ATP5F1A: variants seen among roughly 807,000 people sequenced by gnomAD.
ATP5F1A encodes the protein ATP synthase F(1) complex subunit alpha, mitochondrial.
A neutral mutation model predicts 57.4 loss-of-function variants in ATP5F1A; 24 were observed. That is an observed-to-expected ratio of 0.42 (90% CI 0.30 to 0.59). The LOEUF (loss-of-function observed/expected upper bound fraction) is 0.59. ATP5F1A is among the 20% of genes least tolerant of loss of function. The pLI, the probability that ATP5F1A is intolerant of heterozygous loss-of-function variation, is 0.19. For missense variants in ATP5F1A, 494 were observed against 707.9 expected, an observed-to-expected ratio of 0.70 and a Z score of 3.43; for synonymous variants, 251 against 255.5, an observed-to-expected ratio of 0.98 and a Z score of 0.17.
chr18:46,094,941 C>A (rs773544077), intron 2 of ATP5F1A, 112 bp downstream of exon 2: 2 of 1,370,742 alleles, frequency 1.5e-6, no homozygotes, highest in East Asian at 5.1e-5. Flanking sequence ...AGAGTCTATA[C>A]AAACTAGAGA....
In ATP5F1A at chr18:46,081,653, A is replaced by G. The variant is rs768204647; in HGVS notation, c.*2629T>C. On this transcript the variant is annotated 3_prime_UTR_variant, in exon 12 of 12. Transcript: ENST00000398752. Reference sequence around the variant, plus strand: ...CACTCCAGCCTGGGCAACAAGAGCAAAACTCTCAAAAAAAAAAAACAAAAA... The same window carrying G: ...CACTCCAGCCTGGGCAACAAGAGCAGAACTCTCAAAAAAAAAAAACAAAAA... The G allele has an allele frequency of 1.4e-5, 2 of 144,590 alleles. No individual in the cohort carries two copies. The highest frequency in any genetic ancestry group is 2.0e-4 in the East Asian group (1 of 4,906). 9.0% of individuals were successfully genotyped at this position (144,590 alleles called of 1,614,324 possible). A position where few individuals can be genotyped will look rare whatever the true frequency, so the allele number is the denominator to read the frequency against.
chr18:46,094,164 TACACACAC>T (rs71938962), intron 2 of ATP5F1A, among the ~76,000 whole-genome samples: 16 of 149,040 alleles, frequency 1.1e-4, no homozygotes, highest in Non-Finnish European at 1.3e-4. Context: ...TGTGTACACA[TACACACAC>T]ACACACACAC....
At chr18:46,100,493 C>T (rs1034771078), upstream of ATP5F1A, among the ~76,000 whole-genome samples, 1 of 151,886 alleles carries the variant, frequency 6.6e-6, no homozygotes, top group South Asian at 2.1e-4. Flanking sequence ...GCCTGTAATC[C>T]CAACACGTTG....
intron 2 of ATP5F1A, chr18:46,094,665 CA>C (rs1228300277): frequency 3.3e-5 from 5 of 151,208 alleles, no homozygotes; most frequent in Non-Finnish European, 5.8e-5. Context: ...GATTCTGTCT[CA>C]AAAAAAAAGA....
Position 46,087,469 on chromosome 18 carries a change from C to A in ATP5F1A, c.823G>T (p.Val275Leu). The A allele has an allele frequency of 6.2e-7, 1 of 1,614,208 alleles. No individual in the cohort carries two copies. The highest frequency in any genetic ancestry group is 8.5e-7 in the Non-Finnish European group (1 of 1,180,036). The change falls in exon 7 of 12, where the codon GTG becomes TTG. Residue 275 changes from valine (V) to leucine (L), a missense_variant. Physicochemically the swap from Val to Leu is conservative, Grantham distance 32 (BLOSUM62 1). Around this residue, in one of 6 missense-constraint regions of ATP5F1A, gnomAD observed 191 missense variants for 267.7 expected, o/e 0.71. Coordinates refer to ENST00000398752, the MANE Select transcript of ATP5F1A (RefSeq NM_004046.6). ...DADAMKYTIVVSATASDAAPL... is the reference protein window; with the variant it reads ...DADAMKYTIVLSATASDAAPL... ...GCAGCATCCGAGGCCGTAGCCGACA[C>A]CACAATGGTGTACTTCATGGCATCT...
chr18:46,089,756 C>A (rs2144190095), intron 4 of ATP5F1A, 24 bp from the exon 5 acceptor site: 1 of 1,612,894 alleles, frequency 6.2e-7, no homozygotes, highest in Admixed American at 1.7e-5. Context: ...AAAAGAAAAA[C>A]CCTAAGCATA....
chr18:46,086,004 C>A, intron 10 of ATP5F1A, 109 bp downstream of exon 10: 21 of 1,179,300 alleles, frequency 1.8e-5, no homozygotes, highest in South Asian at 9.5e-5. Flanking sequence ...TGAAAGATAA[C>A]AGATAACAAC....
intron 11 of ATP5F1A, 61 bp from the exon 12 acceptor site, chr18:46,084,424 T>C: frequency 6.3e-7 from 1 of 1,582,488 alleles, no homozygotes. Flanking sequence ...ATGACTAGCC[T>C]AACTACAGAT....
At position 46,091,850 on chromosome 18, in the gene ATP5F1A, C is replaced by T; in HGVS notation, c.141G>A (p.Gly47=). The part of the protein sequence containing the change: ...HASNTHLQKT[G]TAEMSSILEE... ...CAAGAATAGAGGACATCTCAGCAGT[C>T]CCTATGGAAGACAATTCAATTCAAT... is the stretch of plus-strand genomic sequence containing the variant. The change falls in exon 3 of 12, where the codon GGG becomes GGA. Residue 47 remains glycine (G), a splice_region_variant and synonymous_variant. Transcript: ENST00000398752. 1 of 1,609,038 alleles carries T rather than the reference C, an allele frequency of 6.2e-7. No homozygotes were observed. Among genetic ancestry groups the T allele is most frequent in the Non-Finnish European group, 8.5e-7 (1 of 1,178,782 alleles).
At chr18:46,088,075 G>A in intron 6 of ATP5F1A, 34 bp downstream of exon 6, 3 of 1,582,452 alleles carry the variant, frequency 1.9e-6, no homozygotes, top group Non-Finnish European at 2.6e-6. Flanking sequence ...TGGGACTTAA[G>A]ATAATAGCAA....
In ATP5F1A at chr18:46,087,107, A is replaced by G. The variant is rs150543128; in HGVS notation, c.1077T>C (p.Phe359=). ...LERAAKMNDA[F]GGGSLTALPV... ...GCAAAGCAGTCAAGGAGCCACCACC[A>G]AAAGCATCGTTCATTTTGGCTGCTC... is the stretch of plus-strand genomic sequence containing the variant. The change falls in exon 8 of 12, where the codon TTT becomes TTC. Residue 359 remains phenylalanine (F), a synonymous_variant. Coordinates refer to ENST00000398752, the MANE Select transcript of ATP5F1A (RefSeq NM_004046.6). 7.3e-5 allele frequency: 118 copies of G among 1,614,164 alleles called. No individual in the cohort carries two copies. In the African/African-American group the frequency reaches 1.4e-3, roughly 19 times the overall value.
At chr18:46,101,562 C>T (rs763641915), upstream of ATP5F1A, among the ~76,000 whole-genome samples, 34 of 150,836 alleles carry the variant, frequency 2.3e-4, no homozygotes, top group Admixed American at 2.1e-3. Context: ...CTTCAGTATG[C>T]GCGACAGGAG....
chr18:46,098,534 C>T (rs1311176695), upstream of ATP5F1A: 1 of 488,622 alleles, frequency 2.0e-6, no homozygotes, highest in Non-Finnish European at 2.7e-6. Context: ...CTTGTGGTTG[C>T]CCCGGGTGAC....
chr18:46,080,383 C>A lies in ATP5F1A; in HGVS notation c.*3899G>T, dbSNP rs766863936. The stretch of plus-strand genomic sequence containing the variant: ...GCACACAGACACAATTTTATGACAG[C>A]CATTTTGTTGCCACACAGAAGGGCC... On this transcript the variant is annotated 3_prime_UTR_variant, in exon 12 of 12. Coordinates refer to ENST00000398752, the MANE Select transcript of ATP5F1A (RefSeq NM_004046.6). The A allele has an allele frequency of 6.6e-6, 1 of 152,146 alleles. No individual in the cohort carries two copies. The highest frequency in any genetic ancestry group is 2.4e-5 in the African/African-American group (1 of 41,424). The allele number at this position is 152,146 out of a possible 1,614,324, so 9.4% of individuals were successfully genotyped here. A position where few individuals can be genotyped will look rare whatever the true frequency, so the allele number is the denominator to read the frequency against.
chr18:46,091,742 G>A lies in ATP5F1A; in HGVS notation c.249C>T (p.Arg83=), dbSNP rs572709272. Residue 83 remains arginine, a synonymous_variant, in exon 3 of 12, where the codon CGC becomes CGT. Coordinates refer to ENST00000398752, the MANE Select transcript of ATP5F1A (RefSeq NM_004046.6). The part of the protein sequence containing the change: ...RVLSIGDGIA[R]VHGLRNVQAE... ...CTTGAACATTCCTCAGCCCATGTAC[G>A]CGGGCAATACCATCACCAATACTTA... The A allele has an allele frequency of 5.6e-6, 9 of 1,613,556 alleles. No individual in the cohort carries two copies. Among genetic ancestry groups the A allele is most frequent in the East Asian group, 2.2e-5 (1 of 44,864 alleles).
At chr18:46,092,582 T>C (rs930127979) in intron 2 of ATP5F1A, among the ~76,000 whole-genome samples, 12 of 150,444 alleles carry the variant, frequency 8.0e-5, no homozygotes, top group Non-Finnish European at 1.3e-4. Flanking sequence ...CACTCCAGCA[T>C]AGGTGACAAA....
rs776845722 is a variant in ATP5F1A, at chr18:46,084,362, C to A, written c.1582G>T (p.Ala528Ser). 7 of 1,611,390 alleles carry A rather than the reference C, an allele frequency of 4.3e-6. No individual in the cohort carries two copies. Among genetic ancestry groups the A allele is most frequent in the Non-Finnish European group, 5.9e-6 (7 of 1,179,412 alleles). The change falls in exon 12 of 12, where the codon GCT (alanine) becomes TCT (serine). Residue 528 changes from alanine (A) to serine (S), a missense_variant and splice_region_variant. Transcript: ENST00000398752. ...QHQALLGTIR[A>S]DGKISEQSDA... ...GATTGTTCTGAGATCTTTCCATCAG[C>A]CCTATTTGGAAATAAAAGCAGGTCG...
chr18:46,087,141 A>T lies in ATP5F1A; in HGVS notation c.1043T>A (p.Leu348Ter). The change falls in exon 8 of 12, where the codon TTG becomes TAG. Residue 348 changes from leucine to a stop codon, truncating the protein, a stop_gained. Transcript: ENST00000398752. LOFTEE classifies it high-confidence loss of function. ...PGDVFYLHSR[L>*]LERAAKMNDA... Reference sequence around the variant, plus strand: ...GTTCATTTTGGCTGCTCTCTCCAGCAACCGGGAGTGTAGGTAGAACACATC... The same window carrying T: ...GTTCATTTTGGCTGCTCTCTCCAGCTACCGGGAGTGTAGGTAGAACACATC... 6.2e-7 allele frequency: 1 copy of T among 1,614,232 alleles called. No individual in the cohort carries two copies. Among genetic ancestry groups the T allele is most frequent in the Non-Finnish European group, 8.5e-7 (1 of 1,180,030 alleles).
intron 2 of ATP5F1A, among the ~76,000 whole-genome samples, chr18:46,093,713 A>T (rs943227114): frequency 2.0e-5 from 3 of 152,038 alleles, no homozygotes; most frequent in Non-Finnish European, 4.4e-5. Flanking sequence ...AATCCTAGCC[A>T]CTAGGGAAGC....
Sources: allele counts gnomAD v4.1 joint callset (sites outside exome capture counted in the v4.1 genomes callset), GRCh38; gene constraint gnomAD v4.1.1; regional missense constraint gnomAD v4.1.1; transcripts MANE v1.5; gene names NCBI Gene and HGNC (gene_info 2026-07-23, HGNC 2026-07-21).